Variants in TMCC1 observed in about 807,000 individuals in gnomAD.
TMCC1 encodes transmembrane and coiled-coil domains protein 1.
Under a neutral mutation model 52.4 loss-of-function variants are expected in TMCC1, and 15 were observed. That is an observed-to-expected ratio of 0.29 (90% CI 0.19 to 0.44). TMCC1 has a LOEUF of 0.44. Ranked by LOEUF, TMCC1 falls within the 20% of genes least tolerant of loss-of-function variation. The probability of loss-of-function intolerance (pLI) is 1.00; values close to 1 mark genes in which losing one functional copy is unlikely to be tolerated. For missense variants in TMCC1, 503 were observed against 806.0 expected (o/e 0.62, Z 4.55); for synonymous variants, 279 against 301.9 (o/e 0.92, Z 0.79).
At position 129,762,063 on chromosome 3, in the gene TMCC1, G is replaced by T. The variant is rs535437062; in HGVS notation, c.576+65740C>A. ...CTTTTTTTTTTTTTTTTGAGACAGA[G>T]TCTTGCTCTGTCACCCAGGCTAAAG... On this transcript the variant is annotated intron_variant, in intron 4 of 6. Transcript: ENST00000393238. Among the ~76,000 whole-genome samples, 254 of 148,534 alleles carry T rather than the reference G, an allele frequency of 1.7e-3. 1 individual carries two copies. The highest frequency in any genetic ancestry group is 0.01 in the South Asian group (48 of 4,674).
In TMCC1 at chr3:129,659,614, T is replaced by G. The variant is rs975415411; in HGVS notation, c.1512-4511A>C. Among the ~76,000 whole-genome samples, 4 of 152,220 alleles carry G rather than the reference T, an allele frequency of 2.6e-5. No homozygotes were observed. The South Asian group carries it at 6.2e-4, about 24-fold the overall frequency. On this transcript the variant is annotated intron_variant, in intron 5 of 6. Coordinates refer to ENST00000393238, the MANE Select transcript of TMCC1 (RefSeq NM_001017395.5). ...GAATACTTGCAAAAGTCCTCAGCAC[T>G]TATTCCCAACACTTTTGAACCTTAC...
chr3:129,727,858 C>G (rs530039438), intron 4 of TMCC1, among the ~76,000 whole-genome samples: 150 of 152,304 alleles, frequency 9.8e-4, no homozygotes, highest in African/African-American at 3.4e-3. Flanking sequence ...ACTATGCAAA[C>G]AGAGACTTGT....
chr3:129,683,271 C>T (rs1264210637), intron 4 of TMCC1, among the ~76,000 whole-genome samples: 2 of 152,210 alleles, frequency 1.3e-5, no homozygotes, highest in East Asian at 1.9e-4. Flanking sequence ...CTACCTTGTA[C>T]ACCACTGGTC....
chr3:129,681,822 C>A (rs533776826), intron 4 of TMCC1, among the ~76,000 whole-genome samples: 1 of 151,220 alleles, frequency 6.6e-6, no homozygotes, highest in Non-Finnish European at 1.5e-5. Flanking sequence ...GCAGGAGGAT[C>A]GCTTGAACCT....
At chr3:129,706,196 CTTTTTTA>C (rs1257279111) in intron 4 of TMCC1, among the ~76,000 whole-genome samples, 3 of 151,610 alleles carry the variant, frequency 2.0e-5, no homozygotes, top group African/African-American at 7.3e-5. Context: ...GGCCAAAACA[CTTTTTTA>C]TTTTTTATTT....
intron 4 of TMCC1, among the ~76,000 whole-genome samples, chr3:129,768,765 A>C (rs2054319358): frequency 6.6e-6 from 1 of 152,214 alleles, no homozygotes; most frequent in Non-Finnish European, 1.5e-5. Flanking sequence ...TCATCTGTAA[A>C]ATAAAGGTGG....
chr3:129,679,896 CTT>C (rs199781663), intron 4 of TMCC1, among the ~76,000 whole-genome samples: 2,178 of 152,228 alleles, frequency 0.014, 63 homozygotes, highest in African/African-American at 0.049. Flanking sequence ...ATGTTCCACT[CTT>C]TCATTAGAAT....
intron 5 of TMCC1, among the ~76,000 whole-genome samples, chr3:129,662,168 T>G (rs188570954): frequency 1.0e-3 from 157 of 152,018 alleles, no homozygotes; most frequent in African/African-American, 3.4e-3. Flanking sequence ...CAGACACAAA[T>G]CGGGGCAGAG....
intron 2 of TMCC1, chr3:129,867,123 C>G (rs140388959): frequency 7.2e-5 from 11 of 151,800 alleles, no homozygotes; most frequent in African/African-American, 2.2e-4. Context: ...AAAAAAAACA[C>G]TTCTTCATTT....
At chr3:129,853,156 G>A (rs901539588) in intron 2 of TMCC1, among the ~76,000 whole-genome samples, 2 of 151,922 alleles carry the variant, frequency 1.3e-5, no homozygotes, top group African/African-American at 4.8e-5. Flanking sequence ...ACTCTAGCCT[G>A]GGCAACAGAG....
chr3:129,757,737 G>T (rs2053146185), intron 4 of TMCC1, among the ~76,000 whole-genome samples: 1 of 152,128 alleles, frequency 6.6e-6, no homozygotes, highest in Admixed American at 6.6e-5. Context: ...GCTGAGGCAC[G>T]AGAATCGCTT....
chr3:129,763,146 C>T (rs553047304), intron 4 of TMCC1, among the ~76,000 whole-genome samples: 41 of 147,582 alleles, frequency 2.8e-4, no homozygotes, highest in Middle Eastern at 3.6e-3. Flanking sequence ...TGCAGTGAGC[C>T]GAGATCGCGC....
intron 4 of TMCC1, 102 bp from the exon 5 acceptor site, chr3:129,671,366 A>C: frequency 5.7e-6 from 7 of 1,221,588 alleles, no homozygotes; most frequent in Non-Finnish European, 7.8e-6. Context: ...CTCAAATCTC[A>C]GTAGATAACT....
At chr3:129,791,382 C>T (rs890930471) in intron 4 of TMCC1, among the ~76,000 whole-genome samples, 10 of 151,994 alleles carry the variant, frequency 6.6e-5, no homozygotes, top group African/African-American at 1.9e-4. Flanking sequence ...TATGAGTCAC[C>T]GCACCCGGCC....
Position 129,667,625 on chromosome 3 carries a change from G to T in TMCC1, c.1511+2705C>A, listed in dbSNP as rs1026146786. Among the ~76,000 whole-genome samples the T allele has an allele frequency of 2.6e-5, 4 of 152,086 alleles. No individual in the cohort carries two copies. The South Asian group carries it at 8.3e-4, about 32-fold the overall frequency. ...AAACTAGTCATTTACCTACTAGAAA[G>T]AACCCAAAGTGCAATGAAAGAAATG... On this transcript the variant is annotated intron_variant, in intron 5 of 6. Transcript: ENST00000393238.
intron 1 of TMCC1, chr3:129,893,275 G>C (rs2062062791): frequency 6.6e-6 from 1 of 152,494 alleles, no homozygotes; most frequent in Non-Finnish European, 1.5e-5. Flanking sequence ...AAAGGAAAGA[G>C]GCCCCGTGGG....
At chr3:129,794,662 C>A (rs755709214) in intron 4 of TMCC1, among the ~76,000 whole-genome samples, 3 of 152,118 alleles carry the variant, frequency 2.0e-5, no homozygotes, top group African/African-American at 4.8e-5. Flanking sequence ...ACCACCCCTT[C>A]CCTTTCCACC....
chr3:129,838,996 C>T (rs879290777), intron 2 of TMCC1, among the ~76,000 whole-genome samples: 9 of 151,940 alleles, frequency 5.9e-5, no homozygotes, highest in Admixed American at 1.3e-4. Flanking sequence ...ATCCTTCATA[C>T]GTACAAAATA....
intron 4 of TMCC1, among the ~76,000 whole-genome samples, chr3:129,814,399 T>G (rs949667580): frequency 1.3e-5 from 2 of 148,782 alleles, no homozygotes; most frequent in South Asian, 2.2e-4. Context: ...CAAAAACCTA[T>G]AACAGATTCA....
Sources: gnomAD v4.1 joint callset for allele counts (sites outside exome capture counted in the v4.1 genomes callset) on GRCh38, gnomAD v4.1.1 for gene constraint, MANE v1.5 for transcripts, NCBI Gene and HGNC (gene_info 2026-07-23, HGNC 2026-07-21) for gene names.